Variants in ALAS2 observed in about 807,000 individuals in gnomAD.
ALAS2 encodes 5-aminolevulinate synthase, erythroid-specific, mitochondrial.
In ALAS2, 3 loss-of-function variants were observed where a neutral mutation model predicts 33.7. That is an observed-to-expected ratio of 0.09 (90% CI 0.04 to 0.23). The LOEUF is 0.23. Ranked by LOEUF, ALAS2 falls within the 10% of genes least tolerant of loss-of-function variation. The pLI, the probability that ALAS2 is intolerant of heterozygous loss-of-function variation, is 1.00. For synonymous variants in ALAS2, 191 were observed against 177.3 expected (o/e 1.08, Z -0.61); for missense variants, 304 against 475.1 (o/e 0.64, Z 3.35).
chrX:55,025,522 T>A (rs1490774222), intron 2 of ALAS2, among the ~76,000 whole-genome samples: 1 of 110,295 alleles, frequency 9.1e-6, no homozygotes, highest in Non-Finnish European at 1.9e-5. Flanking sequence ...TTAGTAGATA[T>A]GGGATTTCAC....
At chrX:55,009,400 C>G in intron 10 of ALAS2, 57 bp from the exon 11 acceptor site, 1 of 1,111,071 alleles carries the variant, frequency 9.0e-7, no homozygotes, top group African/African-American at 1.8e-5. Context: ...TCTTCCAAAT[C>G]TGTCACAGTA....
chrX:55,028,729 C>A (rs1358623902), intron 1 of ALAS2, among the ~76,000 whole-genome samples: 1 of 111,882 alleles, frequency 8.9e-6, no homozygotes, highest in Non-Finnish European at 1.9e-5. Context: ...CATCATTATA[C>A]CCATGACCTT....
At chrX:55,020,660 G>A (rs761159068) in intron 5 of ALAS2, among the ~76,000 whole-genome samples, 156 bp from the exon 6 acceptor site, 123 of 111,755 alleles carry the variant, frequency 1.1e-3, no homozygotes, top group African/African-American at 3.7e-3. Context: ...AGGATGGGGA[G>A]GATAGGGAGA....
At chrX:55,018,774 CTGAGGGTGGGG>C (rs1569547838) in intron 6 of ALAS2, among the ~76,000 whole-genome samples, 1 of 110,383 alleles carries the variant, frequency 9.1e-6, no homozygotes, top group East Asian at 2.9e-4. Flanking sequence ...TTGACCAGGG[CTGAGGGTGGGG>C]TGACAAAGAT....
chrX:55,027,912 G>A (rs901041426), intron 1 of ALAS2: 1 of 686,612 alleles, frequency 1.5e-6, no homozygotes, highest in Non-Finnish European at 2.4e-6. Context: ...AACAATCCAA[G>A]TTAAGCCTTT....
chrX:55,021,372 C>T (rs1935803099), intron 4 of ALAS2, 98 bp from the exon 5 acceptor site: 4 of 674,381 alleles, frequency 5.9e-6, no homozygotes, highest in Non-Finnish European at 9.5e-6. Context: ...TTCTCCAACT[C>T]TTTTTCCACA....
intron 6 of ALAS2, among the ~76,000 whole-genome samples, chrX:55,019,714 C>T (rs1452271759): frequency 1.8e-5 from 2 of 111,201 alleles, no homozygotes; most frequent in African/African-American, 3.3e-5. Context: ...GACAACAAGG[C>T]GTATGAGGTG....
At chrX:55,030,177 G>A (rs191585683) in intron 1 of ALAS2, among the ~76,000 whole-genome samples, 2 of 111,355 alleles carry the variant, frequency 1.8e-5, no homozygotes, top group African/African-American at 6.5e-5. Flanking sequence ...AACTAGAAAG[G>A]GTGGTGGAAA....
In ALAS2 at chrX:55,015,803, T is replaced by C. The variant is rs1935688874; in HGVS notation, c.1004-61A>G. ...AACCCTTCCCCAGCTCCATCTCCAATGTGGAATTTCCCATACATGCCTACT... is the reference window on the plus strand; with the variant it reads ...AACCCTTCCCCAGCTCCATCTCCAACGTGGAATTTCCCATACATGCCTACT... On this transcript the variant is annotated intron_variant, in intron 7 of 10. Transcript: ENST00000650242. The C allele has an allele frequency of 4.3e-6, 5 of 1,169,105 alleles. No individual in the cohort carries two copies. The East Asian group carries it at 1.5e-4, about 35-fold the overall frequency.
intron 6 of ALAS2, among the ~76,000 whole-genome samples, chrX:55,018,458 ACTGG>A (rs1935741817): frequency 8.9e-6 from 1 of 111,783 alleles, no homozygotes; most frequent in South Asian, 3.8e-4. Flanking sequence ...AGACAAGCAG[ACTGG>A]GAGTTGCATG....
chrX:55,011,460 A>C (rs749150061), intron 10 of ALAS2, among the ~76,000 whole-genome samples: 2 of 111,871 alleles, frequency 1.8e-5, no homozygotes, highest in South Asian at 7.5e-4. Context: ...GAAGGGGTTT[A>C]AGCAAGGGAG....
chrX:55,013,471 A>G lies in ALAS2; in HGVS notation c.1600+15T>C. ...GGGGAGGGAGGTCCTGTAGGCACCC[A>G]TGTTGAGAACTTACCCACAAAATCT... On this transcript the variant is annotated intron_variant, in intron 10 of 10. Transcript: ENST00000650242. The G allele has an allele frequency of 1.7e-6, 2 of 1,202,973 alleles. No homozygotes were observed. Among genetic ancestry groups the G allele is most frequent in the Non-Finnish European group, 2.2e-6 (2 of 889,661 alleles).
rs771031238 is a variant in ALAS2, at chrX:55,023,775, T to C, written c.397A>G (p.Ile133Val). 3.3e-6 allele frequency: 4 copies of C among 1,210,711 alleles called. No individual in the cohort carries two copies. The highest frequency in any genetic ancestry group is 1.1e-6 in the Non-Finnish European group (1 of 894,829). The change falls in exon 4 of 11, where the codon ATT (isoleucine) becomes GTT (valine). Residue 133 changes from isoleucine to valine, a missense_variant. Physicochemically the swap from Ile to Val is conservative, Grantham distance 29. Transcript: ENST00000650242. ...AACTCACCAGGCATATTGTTCTGAATCAGGTGTGTGACCTTCCCAGAGATC... is the reference window on the plus strand; with the variant it reads ...AACTCACCAGGCATATTGTTCTGAACCAGGTGTGTGACCTTCCCAGAGATC... ...EQISGKVTHL[I>V]QNNMPGNYVF...
Position 55,009,153 on chromosome X carries a change from G to C in ALAS2, c.*27C>G. 8.3e-7 allele frequency: 1 copy of C among 1,203,534 alleles called. No homozygotes were observed. Among genetic ancestry groups the C allele is most frequent in the Non-Finnish European group, 1.1e-6 (1 of 891,188 alleles). ...CCTGGACCCAAGTGAAGCGCAGGTG[G>C]GGTGTGAATCCTAGGCAGCTGGCTT... On this transcript the variant is annotated 3_prime_UTR_variant, in exon 11 of 11. Coordinates refer to ENST00000650242, the MANE Select transcript of ALAS2 (RefSeq NM_000032.5).
At chrX:55,026,896 C>A (rs1436792530) in intron 1 of ALAS2, among the ~76,000 whole-genome samples, 2 of 110,304 alleles carry the variant, frequency 1.8e-5, no homozygotes, top group Non-Finnish European at 3.8e-5. Context: ...GGAGAAAAGC[C>A]AGAAGAAAAG....
intron 4 of ALAS2, among the ~76,000 whole-genome samples, chrX:55,022,220 A>T (rs1003657363): frequency 8.9e-6 from 1 of 112,602 alleles, no homozygotes; most frequent in African/African-American, 3.2e-5. Flanking sequence ...TGGCTGCTGG[A>T]GGTGCAAACT....
At chrX:55,023,720 A>G in intron 4 of ALAS2, 37 bp downstream of exon 4, 1 of 1,125,310 alleles carries the variant, frequency 8.9e-7, no homozygotes, top group South Asian at 1.9e-5. Flanking sequence ...TGCCTTCCCT[A>G]TTCCGGTCCC....
intron 1 of ALAS2, among the ~76,000 whole-genome samples, chrX:55,026,340 A>T (rs1225986494): frequency 3.6e-5 from 4 of 111,988 alleles, no homozygotes; most frequent in Non-Finnish European, 5.6e-5. Context: ...GTGTGGCAGG[A>T]TGAGAACTGC....
At chrX:55,014,510 G>A (rs892831051) in intron 9 of ALAS2, among the ~76,000 whole-genome samples, 3 of 112,027 alleles carry the variant, frequency 2.7e-5, no homozygotes, top group African/African-American at 6.5e-5. Context: ...GTGAGCACTC[G>A]CTATTGTTAG....
Sources: allele counts gnomAD v4.1 joint callset (sites outside exome capture counted in the v4.1 genomes callset), GRCh38; gene constraint gnomAD v4.1.1; transcripts MANE v1.5; gene names NCBI Gene and HGNC (gene_info 2026-07-23, HGNC 2026-07-21).